Variants in SHPRH observed in about 807,000 individuals in gnomAD.
The protein encoded by SHPRH is E3 ubiquitin-protein ligase SHPRH.
A neutral mutation model predicts 202.5 loss-of-function variants in SHPRH; 106 were observed. The observed-to-expected ratio is 0.52, with a 90% CI of 0.45 to 0.62. The LOEUF is 0.62. SHPRH is among the 20% of genes least tolerant of loss of function. The pLI is 0.00. For missense variants in SHPRH, 1,710 were observed against 2,020.0 expected, an observed-to-expected ratio of 0.85 and a Z score of 2.94; for synonymous variants, 729 against 686.0, an observed-to-expected ratio of 1.06 and a Z score of -0.98.
At chr6:145,866,408 G>A (rs1349458794) in intron 2 of SHPRH, among the ~76,000 whole-genome samples, 3 of 152,122 alleles carry the variant, frequency 2.0e-5, no homozygotes, top group Non-Finnish European at 4.4e-5. Flanking sequence ...ACATTTCTGG[G>A]ATTAAACGAG....
At chr6:145,903,663 TG>T (rs1258886904) in intron 25 of SHPRH, 8 of 152,224 alleles carry the variant, frequency 5.3e-5, no homozygotes, top group Non-Finnish European at 1.0e-4. Flanking sequence ...GGTACTGTAT[TG>T]CTGTCACTAT....
At chr6:145,880,545 C>A (rs1458024998), downstream of SHPRH, among the ~76,000 whole-genome samples, 1 of 151,688 alleles carries the variant, frequency 6.6e-6, no homozygotes, top group East Asian at 1.9e-4. Context: ...GGGAAGATCA[C>A]CAGACCCTGG....
chr6:145,880,291 C>T (rs2128699198), downstream of SHPRH, among the ~76,000 whole-genome samples: 3 of 152,198 alleles, frequency 2.0e-5, no homozygotes, highest in East Asian at 5.8e-4. Context: ...CATAGGTCTA[C>T]ATTTCCTCTG....
At chr6:145,881,565 A>T (rs1780572686), downstream of SHPRH, 3 of 152,148 alleles carry the variant, frequency 2.0e-5, no homozygotes. Context: ...GACAATATGA[A>T]ACTCTGTCTC....
Position 145,919,443 on chromosome 6 carries a change from C to T in SHPRH, c.4057G>A (p.Asp1353Asn). 1 of 1,613,104 alleles carries T rather than the reference C, an allele frequency of 6.2e-7. No individual in the cohort carries two copies. ...CGTTCTGTAGCCATTGCAAGTTCAT[C>T]AACAGCAGACACACGATTCCTCAGA... ...MALRNRVSAV[D>N]ELAMATERLR... Residue 1353 changes from aspartate (D) to asparagine (N), a missense_variant, in exon 22 of 30, where the codon GAT becomes AAT. Transcript: ENST00000275233.
chr6:145,889,865 G>A (rs1382168419), intron 28 of SHPRH, among the ~76,000 whole-genome samples: 2 of 152,100 alleles, frequency 1.3e-5, no homozygotes, highest in African/African-American at 2.4e-5. Context: ...GGACACTTCT[G>A]CTGTAATAAA....
At position 145,923,782 on chromosome 6, in the gene SHPRH, G is replaced by A. The variant is rs1249613287; in HGVS notation, c.3406C>T (p.His1136Tyr). 1 of 1,606,220 alleles carries A rather than the reference G, an allele frequency of 6.2e-7. No individual in the cohort carries two copies. Among genetic ancestry groups the A allele is most frequent in the Non-Finnish European group, 8.5e-7 (1 of 1,176,216 alleles). Residue 1136 changes from histidine (H) to tyrosine (Y), a missense_variant, in exon 18 of 30, where the codon CAT becomes TAT. Around this residue, in one of 8 missense-constraint regions of SHPRH, gnomAD observed 288 missense variants for 317.8 expected, o/e 0.91. Coordinates refer to ENST00000275233, the MANE Select transcript of SHPRH (RefSeq NM_001042683.3). Reference protein sequence around the residue: ...QTIHELQRKIHSNSPWWLNVI... With the variant: ...QTIHELQRKIYSNSPWWLNVI... ...TTTAGCCACCAAGGAGAATTAGAAT[G>A]AATCTGTAAAAAAGGTAGCAGTTAA...
chr6:145,860,599 A>G (rs986722402), downstream of SHPRH, among the ~76,000 whole-genome samples: 1 of 152,054 alleles, frequency 6.6e-6, no homozygotes, highest in Non-Finnish European at 1.5e-5. Context: ...ATTCAATGCA[A>G]TCTTTATCAA....
chr6:145,949,217 C>T (rs1469202097), intron 4 of SHPRH, among the ~76,000 whole-genome samples: 1 of 151,846 alleles, frequency 6.6e-6, no homozygotes, highest in Non-Finnish European at 1.5e-5. Flanking sequence ...GGGTATCTAC[C>T]CAAAGTGAAA....
chr6:145,947,671 T>A (rs1486852408), intron 5 of SHPRH, 28 bp from the exon 6 acceptor site: 9 of 1,609,028 alleles, frequency 5.6e-6, no homozygotes, highest in Middle Eastern at 3.3e-4. Flanking sequence ...ATAAATCACA[T>A]CATAGGAATG....
intron 6 of SHPRH, among the ~76,000 whole-genome samples, chr6:145,946,669 G>C (rs971241147): frequency 2.0e-5 from 3 of 151,922 alleles, no homozygotes; most frequent in Non-Finnish European, 2.9e-5. Context: ...AAATAGTAAT[G>C]AGTAGGAAAT....
At chr6:145,877,918 AT>A (rs942955265) in intron 2 of SHPRH, 2 of 152,204 alleles carry the variant, frequency 1.3e-5, no homozygotes, top group African/African-American at 4.8e-5. Flanking sequence ...AAACCAATGT[AT>A]TTCTTAAATG....
intron 3 of SHPRH, chr6:145,951,646 C>T: frequency 6.5e-6 from 2 of 308,732 alleles, no homozygotes; most frequent in Non-Finnish European, 6.7e-6. Context: ...AAGTATCTAA[C>T]TTGCAAAACG....
chr6:145,931,289 T>C (rs1300344352), intron 14 of SHPRH, among the ~76,000 whole-genome samples: 5 of 152,004 alleles, frequency 3.3e-5, no homozygotes, highest in Non-Finnish European at 7.4e-5. Flanking sequence ...TTTCTAATCA[T>C]CTCATTTGTT....
At chr6:145,874,797 GA>G (rs1324997586) in intron 2 of SHPRH, among the ~76,000 whole-genome samples, 1 of 152,196 alleles carries the variant, frequency 6.6e-6, no homozygotes, top group East Asian at 1.9e-4. Context: ...AGCAACATAT[GA>G]AAATCTCCTG....
intron 2 of SHPRH, among the ~76,000 whole-genome samples, chr6:145,875,167 T>TGG (rs1490017262): frequency 6.6e-6 from 1 of 152,210 alleles, no homozygotes; most frequent in African/African-American, 2.4e-5. Context: ...TCCTGTACCA[T>TGG]GGTAAATGGT....
chr6:145,927,727 C>T (rs7753092), intron 14 of SHPRH, among the ~76,000 whole-genome samples: 98,097 of 151,540 alleles, frequency 0.65, 32,514 homozygotes, highest in African/African-American at 0.78. Flanking sequence ...CCAACCAACC[C>T]ACACATAGCG....
In SHPRH at chr6:145,955,343, T is replaced by A; in HGVS notation, c.-21A>T. Reference sequence around the variant, plus strand: ...CTCATTTTCAAGTTTTCTTGGCTGGTAACTGTGAACTCTAGAGGACAAATG... The same window carrying A: ...CTCATTTTCAAGTTTTCTTGGCTGGAAACTGTGAACTCTAGAGGACAAATG... On this transcript the variant is annotated 5_prime_UTR_variant, in exon 2 of 30. Coordinates refer to ENST00000275233, the MANE Select transcript of SHPRH (RefSeq NM_001042683.3). 6.3e-7 allele frequency: 1 copy of A among 1,582,486 alleles called. No homozygotes were observed. Among genetic ancestry groups the A allele is most frequent in the Non-Finnish European group, 8.6e-7 (1 of 1,167,948 alleles).
intron 27 of SHPRH, 138 bp from the exon 28 acceptor site, chr6:145,893,531 T>A: frequency 1.4e-6 from 1 of 740,384 alleles, no homozygotes; most frequent in Non-Finnish European, 2.0e-6. Flanking sequence ...AATGCAAAAT[T>A]ACCAACTTTA....
Sources: gnomAD v4.1 joint callset for allele counts (sites outside exome capture counted in the v4.1 genomes callset) on GRCh38, gnomAD v4.1.1 for gene constraint, gnomAD v4.1.1 regional missense constraint, MANE v1.5 for transcripts, NCBI Gene and HGNC (gene_info 2026-07-23, HGNC 2026-07-21) for gene names.